The following RTN4RL1 variants were observed in gnomAD, a reference collection of about 807,000 sequenced individuals.
RTN4RL1 encodes the protein reticulon 4 receptor like 1.
Under a neutral mutation model 25.6 loss-of-function variants are expected in RTN4RL1, and 7 were observed. The observed-to-expected ratio is 0.27, with a 90% confidence interval of 0.16 to 0.51. The LOEUF is 0.51. RTN4RL1 is among the 20% of genes least tolerant of loss of function. RTN4RL1 has a pLI of 0.97. For synonymous variants in RTN4RL1, 297 were observed against 288.2 expected, an observed-to-expected ratio of 1.03 and a Z score of -0.31; for missense variants, 500 against 615.6, an observed-to-expected ratio of 0.81 and a Z score of 1.99.
chr17:1,989,496 G>A, intron 1 of RTN4RL1, among the ~76,000 whole-genome samples: 1 of 152,198 alleles, frequency 6.6e-6, no homozygotes, highest in East Asian at 1.9e-4. Context: ...CTGGATCACA[G>A]GCTTGAGAAG....
At chr17:2,015,693 G>A (rs1339184003) in intron 1 of RTN4RL1, among the ~76,000 whole-genome samples, 2 of 152,178 alleles carry the variant, frequency 1.3e-5, no homozygotes, top group Non-Finnish European at 2.9e-5. Context: ...GAAAAAGCAG[G>A]GTCTGGCTTG....
chr17:1,983,688 C>T (rs1263609301), intron 1 of RTN4RL1, among the ~76,000 whole-genome samples: 3 of 151,896 alleles, frequency 2.0e-5, no homozygotes, highest in Non-Finnish European at 4.4e-5. Flanking sequence ...TAGGCAGGCA[C>T]CACCATGCCT....
intron 1 of RTN4RL1, among the ~76,000 whole-genome samples, chr17:1,940,744 G>A (rs1348181515): frequency 1.3e-5 from 2 of 152,022 alleles, no homozygotes; most frequent in Non-Finnish European, 2.9e-5. Context: ...ACCCCTCCTC[G>A]GGCTGCTACC....
chr17:1,979,803 C>T (rs1007664362), intron 1 of RTN4RL1, among the ~76,000 whole-genome samples: 1 of 152,198 alleles, frequency 6.6e-6, no homozygotes, highest in Non-Finnish European at 1.5e-5. Context: ...GAGCACCTCC[C>T]CACCCCTTCC....
intron 1 of RTN4RL1, among the ~76,000 whole-genome samples, chr17:2,006,383 A>T (rs1474069775): frequency 2.7e-5 from 4 of 147,572 alleles, no homozygotes; most frequent in African/African-American, 1.0e-4. Flanking sequence ...CTGGTCTCCG[A>T]CTCCTGACCT....
intron 1 of RTN4RL1, among the ~76,000 whole-genome samples, chr17:1,972,722 ACCCATCGTCCACGT>A (rs1360942763): frequency 6.6e-6 from 1 of 152,192 alleles, no homozygotes; most frequent in African/African-American, 2.4e-5. Context: ...GAGAGCAGAG[ACCCATCGTCCACGT>A]CCTTCTCACT....
intron 1 of RTN4RL1, among the ~76,000 whole-genome samples, chr17:1,989,007 T>C (rs2066898779): frequency 1.3e-5 from 2 of 152,022 alleles, no homozygotes; most frequent in African/African-American, 4.8e-5. Flanking sequence ...CACTAAAGGA[T>C]TGTAAGCAAT....
chr17:2,012,596 G>C (rs1567527278), intron 1 of RTN4RL1, among the ~76,000 whole-genome samples: 1 of 146,694 alleles, frequency 6.8e-6, no homozygotes, highest in Non-Finnish European at 1.5e-5. Flanking sequence ...TTCTCTCTCT[G>C]TTTTTTTTTT....
intron 1 of RTN4RL1, among the ~76,000 whole-genome samples, chr17:1,991,781 C>T (rs1465145849): frequency 1.3e-5 from 2 of 152,150 alleles, no homozygotes; most frequent in African/African-American, 4.8e-5. Context: ...CCAGTGGATC[C>T]CCTCCTGATG....
intron 1 of RTN4RL1, among the ~76,000 whole-genome samples, chr17:1,996,255 T>A (rs1388204275): frequency 6.6e-6 from 1 of 152,198 alleles, no homozygotes; most frequent in African/African-American, 2.4e-5. Context: ...GCTTTCCAGG[T>A]GAGAGCTGAT....
chr17:1,934,817 C>G lies in RTN4RL1; in HGVS notation c.*1679G>C, dbSNP rs1164023556. The G allele has an allele frequency of 6.5e-6, 1 of 152,692 alleles. No homozygotes were observed. The highest frequency in any genetic ancestry group is 2.4e-5 in the African/African-American group (1 of 41,446). The allele number at this position is 152,692 out of a possible 1,614,324, so 9.5% of individuals were successfully genotyped here. A position where few individuals can be genotyped will look rare whatever the true frequency, so the allele number is the denominator to read the frequency against. ...AAAGGAGCTTGTACCCACCTGGGCC[C>G]CCGGCCAGCAGCACGGCCGGCTTTG... On this transcript the variant is annotated 3_prime_UTR_variant, in exon 2 of 2. Transcript: ENST00000331238. The surrounding 1 kb of genome is among the most constrained non-coding windows in gnomAD (Gnocchi z 4.0).
At chr17:1,989,032 C>G (rs1416334693) in intron 1 of RTN4RL1, among the ~76,000 whole-genome samples, 1 of 152,168 alleles carries the variant, frequency 6.6e-6, no homozygotes, top group African/African-American at 2.4e-5. Flanking sequence ...GTGATATGAT[C>G]ACATCGTGTT....
rs765684270 is a variant in RTN4RL1 at position 2,024,857 on chromosome 17, G to A, written c.9C>T (p.Arg3=). ...GCCCCTGCGGCTCCAACTCACCTTT[G>A]CGAAGCATGTTGGCCACGGGGCCGC... ML[R]KGCCVELLLL... is the part of the protein sequence containing the mutation. Residue 3 remains arginine, a synonymous_variant, in exon 1 of 2, where the codon CGC becomes CGT. Coordinates refer to ENST00000331238, the MANE Select transcript of RTN4RL1 (RefSeq NM_178568.4). 1.3e-5 allele frequency: 20 copies of A among 1,584,378 alleles called. No homozygotes were observed. The highest frequency in any genetic ancestry group is 1.6e-5 in the Non-Finnish European group (19 of 1,166,446).
Position 1,964,774 on chromosome 17 carries a change from A to G in RTN4RL1, c.14-26966T>C, listed in dbSNP as rs369464497. On this transcript the variant is annotated intron_variant, in intron 1 of 1. Transcript: ENST00000331238. Reference sequence around the variant, plus strand: ...AATTAATTTCACCGTTACAGTTTGCATTTCTTTTCTTTTCTTTTTTTTTTT... The same window carrying G: ...AATTAATTTCACCGTTACAGTTTGCGTTTCTTTTCTTTTCTTTTTTTTTTT... Among the ~76,000 whole-genome samples, 60 of 141,390 alleles carry G rather than the reference A, an allele frequency of 4.2e-4. 1 individual carries two copies. In the East Asian group the frequency reaches 7.7e-3, roughly 18 times the overall value. The allele number at this position is 141,390 out of a possible 152,430, so 92.8% of individuals were successfully genotyped here.
intron 1 of RTN4RL1, among the ~76,000 whole-genome samples, chr17:2,016,766 G>A (rs975966601): frequency 2.0e-5 from 3 of 152,182 alleles, no homozygotes; most frequent in Non-Finnish European, 4.4e-5. Flanking sequence ...CCCAGCGTCC[G>A]GCCTGCCCAG....
intron 1 of RTN4RL1, among the ~76,000 whole-genome samples, chr17:1,966,163 CTAAT>C (rs963441566): frequency 2.8e-4 from 42 of 152,332 alleles, no homozygotes; most frequent in African/African-American, 1.0e-3. Context: ...CCACCAGCGC[CTAAT>C]TACATTCCAA....
chr17:2,020,558 C>T (rs1447250512), intron 1 of RTN4RL1: 6 of 152,158 alleles, frequency 3.9e-5, no homozygotes, highest in East Asian at 1.9e-4. Flanking sequence ...CCCATCTGCC[C>T]GTGGAAACCA....
At chr17:2,015,250 G>T (rs2151328216) in intron 1 of RTN4RL1, among the ~76,000 whole-genome samples, 1 of 152,304 alleles carries the variant, frequency 6.6e-6, no homozygotes, top group Non-Finnish European at 1.5e-5. Context: ...GGTGGCTGGA[G>T]AGCAATGGTG....
At chr17:2,011,650 C>T (rs774029066) in intron 1 of RTN4RL1, among the ~76,000 whole-genome samples, 4 of 152,250 alleles carry the variant, frequency 2.6e-5, no homozygotes, top group South Asian at 4.1e-4. Flanking sequence ...TTTGGGAGTC[C>T]AGGTCACTCA....
Sources: gnomAD v4.1 joint callset for allele counts (sites outside exome capture counted in the v4.1 genomes callset) on GRCh38, gnomAD v4.1.1 for gene constraint, Gnocchi (gnomAD v3.1) non-coding constraint, MANE v1.5 for transcripts, NCBI Gene and HGNC (gene_info 2026-07-23, HGNC 2026-07-21) for gene names.